The following PDZRN4 variants were observed in gnomAD, a reference collection of about 807,000 sequenced individuals.
PDZRN4 encodes PDZ domain-containing RING finger protein 4.
In PDZRN4, 70 loss-of-function variants were observed where a neutral mutation model predicts 99.0. The ratio of observed to expected loss-of-function variants is 0.71; its 90% CI spans 0.58 to 0.86. The LOEUF (loss-of-function observed/expected upper bound fraction) is 0.86. PDZRN4 is among the 40% of genes least tolerant of loss of function. PDZRN4 has a pLI of 0.00. For missense variants in PDZRN4, 1,474 were observed against 1,331.2 expected, an observed-to-expected ratio of 1.11 and a Z score of -1.67; for synonymous variants, 551 against 501.6, an observed-to-expected ratio of 1.10 and a Z score of -1.32.
At chr12:41,381,270 T>C (rs1203607380) in intron 3 of PDZRN4, among the ~76,000 whole-genome samples, 2 of 152,144 alleles carry the variant, frequency 1.3e-5, no homozygotes, top group East Asian at 1.9e-4. Flanking sequence ...TCACCCCAAA[T>C]TTGGAGAATT....
intron 3 of PDZRN4, among the ~76,000 whole-genome samples, chr12:41,356,894 T>C (rs1484855220): frequency 1.3e-5 from 2 of 151,968 alleles, no homozygotes; most frequent in Non-Finnish European, 2.9e-5. Context: ...GGAAACCTCA[T>C]TGTTGAGTGA....
chr12:41,500,678 A>G (rs1938093781), intron 3 of PDZRN4, among the ~76,000 whole-genome samples: 2 of 151,998 alleles, frequency 1.3e-5, no homozygotes. Flanking sequence ...AATATGTTTT[A>G]CACTGTGCTA....
intron 3 of PDZRN4, among the ~76,000 whole-genome samples, chr12:41,200,075 G>A (rs1362161333): frequency 6.6e-6 from 1 of 152,126 alleles, no homozygotes; most frequent in Admixed American, 6.5e-5. Context: ...TTAGTGAAGT[G>A]ACACTGTAGA....
chr12:41,214,792 T>A (rs1236452438), intron 3 of PDZRN4, among the ~76,000 whole-genome samples: 1 of 152,018 alleles, frequency 6.6e-6, no homozygotes. Flanking sequence ...CTCAAAATAG[T>A]TATAACAGGT....
chr12:41,419,759 G>A (rs751197352), intron 3 of PDZRN4, among the ~76,000 whole-genome samples: 54 of 152,124 alleles, frequency 3.5e-4, no homozygotes, highest in African/African-American at 2.9e-4. Flanking sequence ...AGTCTATATC[G>A]GTTCAAATTG....
intron 3 of PDZRN4, among the ~76,000 whole-genome samples, chr12:41,421,699 T>C (rs543664955): frequency 6.6e-6 from 1 of 152,168 alleles, no homozygotes; most frequent in Non-Finnish European, 1.5e-5. Flanking sequence ...CCCTTTAATG[T>C]TCCCATTATT....
At position 41,367,065 on chromosome 12, in the gene PDZRN4, G is replaced by A. The variant is rs376654021; in HGVS notation, c.844-139391G>A. On this transcript the variant is annotated intron_variant, in intron 3 of 9. Coordinates refer to ENST00000402685, the MANE Select transcript of PDZRN4 (RefSeq NM_001164595.2). ...GGGGCATGCAACTTCAGCTCCATGA[G>A]ATTACAAGAGGCAAAAATATAGACA... is the stretch of plus-strand genomic sequence containing the variant. Among the ~76,000 whole-genome samples the A allele has an allele frequency of 6.8e-4, 103 of 152,174 alleles. 1 individual carries two copies. The highest frequency in any genetic ancestry group is 2.5e-3 in the African/African-American group (102 of 41,532).
intron 3 of PDZRN4, among the ~76,000 whole-genome samples, chr12:41,349,384 G>T (rs1951875335): frequency 6.6e-6 from 1 of 151,292 alleles, no homozygotes; most frequent in Non-Finnish European, 1.5e-5. Context: ...GATATTCTTT[G>T]TATTATCTAT....
At chr12:41,439,528 G>A (rs1240137052) in intron 3 of PDZRN4, among the ~76,000 whole-genome samples, 1 of 152,136 alleles carries the variant, frequency 6.6e-6, no homozygotes, top group African/African-American at 2.4e-5. Context: ...CCTAGGTTAA[G>A]CTGTTTATAT....
rs574821007 is a variant in PDZRN4, at chr12:41,509,555, C to T, written c.1101-256C>T. On this transcript the variant is annotated intron_variant, in intron 4 of 9. Coordinates refer to ENST00000402685, the MANE Select transcript of PDZRN4 (RefSeq NM_001164595.2). ...CCACGGACTGTCAGAGATTTCACAT[C>T]AGTCTTTCCACAGAATACAACTCTG... 22 of 238,148 alleles carry T rather than the reference C, an allele frequency of 9.2e-5. No homozygotes were observed. In the South Asian group the frequency reaches 1.7e-3, roughly 19 times the overall value. 14.8% of individuals were successfully genotyped at this position (238,148 alleles called of 1,614,324 possible).
intron 1 of PDZRN4, among the ~76,000 whole-genome samples, chr12:41,189,960 G>A (rs893447378): frequency 5.9e-5 from 9 of 152,170 alleles, no homozygotes; most frequent in Non-Finnish European, 7.3e-5. Flanking sequence ...GAATAAACAA[G>A]CCTCTTTGCA....
At chr12:41,227,556 T>C (rs764581309) in intron 3 of PDZRN4, among the ~76,000 whole-genome samples, 5 of 152,028 alleles carry the variant, frequency 3.3e-5, no homozygotes, top group Non-Finnish European at 5.9e-5. Context: ...TCCCAGCTAC[T>C]TGGATGGCTG....
At chr12:41,473,346 C>A (rs1953011016) in intron 3 of PDZRN4, 1 of 152,046 alleles carries the variant, frequency 6.6e-6, no homozygotes, top group Non-Finnish European at 1.5e-5. Context: ...AGGAACAAAC[C>A]ATAACAAACC....
At chr12:41,243,705 TTACAGATTCAG>T (rs1951115376) in intron 3 of PDZRN4, among the ~76,000 whole-genome samples, 1 of 152,176 alleles carries the variant, frequency 6.6e-6, no homozygotes, top group Non-Finnish European at 1.5e-5. Flanking sequence ...TTACTATGTG[TTACAGATTCAG>T]TACTTTTTCA....
intron 3 of PDZRN4, among the ~76,000 whole-genome samples, chr12:41,224,449 A>T (rs999784338): frequency 6.6e-6 from 1 of 152,184 alleles, no homozygotes; most frequent in African/African-American, 2.4e-5. Flanking sequence ...TAGCTGGGGT[A>T]TGAACAAGAG....
At chr12:41,405,891 A>G (rs1952344489) in intron 3 of PDZRN4, among the ~76,000 whole-genome samples, 1 of 152,042 alleles carries the variant, frequency 6.6e-6, no homozygotes, top group African/African-American at 2.4e-5. Context: ...ACTGGGAACT[A>G]AACATTGAAC....
intron 3 of PDZRN4, among the ~76,000 whole-genome samples, chr12:41,492,026 A>G (rs1353884040): frequency 6.6e-6 from 1 of 152,206 alleles, no homozygotes; most frequent in Non-Finnish European, 1.5e-5. Flanking sequence ...AATGGAATTT[A>G]TGCTATGAAT....
At chr12:41,359,443 T>G (rs1242702321) in intron 3 of PDZRN4, among the ~76,000 whole-genome samples, 2 of 152,012 alleles carry the variant, frequency 1.3e-5, no homozygotes, top group African/African-American at 4.8e-5. Flanking sequence ...TTTGGCAAGC[T>G]AGGACTTACT....
chr12:41,230,577 C>A (rs973877080), intron 3 of PDZRN4, among the ~76,000 whole-genome samples: 5 of 152,034 alleles, frequency 3.3e-5, no homozygotes, highest in African/African-American at 9.7e-5. Flanking sequence ...GTTATACATG[C>A]AATCTGTTAG....
Sources: allele counts gnomAD v4.1 joint callset (sites outside exome capture counted in the v4.1 genomes callset), GRCh38; gene constraint gnomAD v4.1.1; transcripts MANE v1.5; gene names NCBI Gene and HGNC (gene_info 2026-07-23, HGNC 2026-07-21).